Variants in CACNB2 observed in about 807,000 individuals in gnomAD.
The protein encoded by CACNB2 is voltage-dependent L-type calcium channel subunit beta-2.
Under a neutral mutation model 73.3 loss-of-function variants are expected in CACNB2, and 42 were observed. The observed-to-expected ratio is 0.57, with a 90% CI of 0.45 to 0.74. CACNB2 has a LOEUF of 0.74. Ranked by LOEUF, CACNB2 falls within the 30% of genes least tolerant of loss-of-function variation. CACNB2 has a pLI of 0.00. For synonymous variants in CACNB2, 348 were observed against 310.3 expected (o/e 1.12, Z -1.28); for missense variants, 940 against 853.0 (o/e 1.10, Z -1.27).
At chr10:18,446,425 C>T (rs1015556144) in intron 3 of CACNB2, among the ~76,000 whole-genome samples, 15 of 152,204 alleles carry the variant, frequency 9.9e-5, no homozygotes, top group Non-Finnish European at 1.6e-4. Context: ...TGTTGCAATA[C>T]TTGGGCAGTA....
At chr10:18,511,070 G>C (rs752745540) in intron 6 of CACNB2, among the ~76,000 whole-genome samples, 2 of 152,194 alleles carry the variant, frequency 1.3e-5, no homozygotes, top group Non-Finnish European at 2.9e-5. Context: ...TGGTATAAAA[G>C]TCAGCACTGG....
intron 6 of CACNB2, among the ~76,000 whole-genome samples, chr10:18,509,474 T>C (rs1158656863): frequency 6.6e-6 from 1 of 152,174 alleles, no homozygotes; most frequent in Admixed American, 6.5e-5. Flanking sequence ...TCTGCTTAAC[T>C]TGACCCAAAC....
chr10:18,482,742 C>A (rs1231905752), intron 3 of CACNB2, among the ~76,000 whole-genome samples: 2 of 152,092 alleles, frequency 1.3e-5, no homozygotes, highest in East Asian at 3.9e-4. Context: ...GAACTCCTTA[C>A]CTCAGGTGAT....
intron 3 of CACNB2, among the ~76,000 whole-genome samples, chr10:18,497,616 G>A (rs1279066389): frequency 6.6e-6 from 1 of 152,024 alleles, no homozygotes; most frequent in Non-Finnish European, 1.5e-5. Flanking sequence ...AGTGAGAAGA[G>A]GTCTTGCTAT....
chr10:18,405,003 G>C (rs546487590), intron 3 of CACNB2, among the ~76,000 whole-genome samples: 1 of 152,248 alleles, frequency 6.6e-6, no homozygotes, highest in African/African-American at 2.4e-5. Flanking sequence ...TACAGTTATG[G>C]CATACTTTGC....
At chr10:18,158,843 G>A (rs2131078334) in intron 2 of CACNB2, among the ~76,000 whole-genome samples, 1 of 152,304 alleles carries the variant, frequency 6.6e-6, no homozygotes, top group South Asian at 2.1e-4. Context: ...TCAAGAGATT[G>A]TGCAAGAATT....
At chr10:18,355,723 G>A (rs1373872667) in intron 2 of CACNB2, among the ~76,000 whole-genome samples, 2 of 149,946 alleles carry the variant, frequency 1.3e-5, no homozygotes, top group Non-Finnish European at 3.0e-5. Context: ...TGCAACATTT[G>A]CCTCCTGGGT....
Position 18,405,763 on chromosome 10 carries a change from G to C in CACNB2, c.333+3720G>C, listed in dbSNP as rs1564513457. Among the ~76,000 whole-genome samples, 5 of 152,116 alleles carry C rather than the reference G, an allele frequency of 3.3e-5. No individual in the cohort carries two copies. The South Asian group carries it at 1.0e-3, about 31-fold the overall frequency. On this transcript the variant is annotated intron_variant, in intron 3 of 13. Coordinates refer to ENST00000324631, the MANE Select transcript of CACNB2 (RefSeq NM_201596.3). ...ACCTGAGGTCAGGAGTTTGAGACCA[G>C]CTTGGGCAACATGGTGAAACGCTGT...
At chr10:18,398,667 T>A (rs1230325895) in intron 2 of CACNB2, among the ~76,000 whole-genome samples, 1 of 132,296 alleles carries the variant, frequency 7.6e-6, no homozygotes, top group Non-Finnish European at 1.6e-5. Flanking sequence ...AGTGAGACTG[T>A]CACACACACA....
In CACNB2 at chr10:18,314,115, C is replaced by T. The variant is rs529237481; in HGVS notation, c.214-87809C>T. ...TTGAGTGAATCAATGATTGGACACA[C>T]GTATACATGGATTTTATCACTTGGA... On this transcript the variant is annotated intron_variant, in intron 2 of 13. Transcript: ENST00000324631. Among the ~76,000 whole-genome samples the T allele has an allele frequency of 7.6e-3, 796 of 104,606 alleles. 3 individuals carry two copies. The highest frequency in any genetic ancestry group is 0.034 in the Middle Eastern group (8 of 234). 68.6% of individuals were successfully genotyped at this position (104,606 alleles called of 152,430 possible). A position where few individuals can be genotyped will look rare whatever the true frequency, so the allele number is the denominator to read the frequency against.
At chr10:18,388,272 A>C (rs928366727) in intron 2 of CACNB2, among the ~76,000 whole-genome samples, 1 of 152,240 alleles carries the variant, frequency 6.6e-6, no homozygotes, top group Non-Finnish European at 1.5e-5. Flanking sequence ...CCAGTATTTT[A>C]TTAAACGTTC....
chr10:18,498,224 A>G (rs1390854795), intron 3 of CACNB2, 131 bp from the exon 4 acceptor site: 4 of 1,091,046 alleles, frequency 3.7e-6, no homozygotes, highest in Non-Finnish European at 5.4e-6. Flanking sequence ...GTTTTGTGAT[A>G]AAGAACCAGT....
At chr10:18,182,187 G>C (rs1408421314) in intron 2 of CACNB2, 1 of 152,078 alleles carries the variant, frequency 6.6e-6, no homozygotes. Context: ...TAAGGGCCGG[G>C]TACAGTCGCT....
At chr10:18,491,819 TAAAAAAAAAAAAAA>T (rs68179779) in intron 3 of CACNB2, among the ~76,000 whole-genome samples, 13,839 of 66,020 alleles carry the variant, frequency 0.21, 1,012 homozygotes, top group Admixed American at 0.34. Flanking sequence ...TCAAGTTGGT[TAAAAAAAAAAAAAA>T]AAAAAAAAAA....
chr10:18,311,532 A>G (rs1366959381), intron 2 of CACNB2, among the ~76,000 whole-genome samples: 1 of 152,236 alleles, frequency 6.6e-6, no homozygotes, highest in East Asian at 1.9e-4. Flanking sequence ...GTCAGTTAAC[A>G]CATGTGTTGT....
chr10:18,333,694 A>G (rs990614214), intron 2 of CACNB2, among the ~76,000 whole-genome samples: 9 of 152,216 alleles, frequency 5.9e-5, no homozygotes, highest in African/African-American at 1.7e-4. Flanking sequence ...ATAATTATCC[A>G]TATTTGTACA....
At chr10:18,476,377 A>G (rs1277521471) in intron 3 of CACNB2, among the ~76,000 whole-genome samples, 2 of 152,242 alleles carry the variant, frequency 1.3e-5, no homozygotes, top group South Asian at 2.1e-4. Flanking sequence ...AAAACAAAGT[A>G]TACTCTACAT....
intron 9 of CACNB2, among the ~76,000 whole-genome samples, chr10:18,520,869 C>A (rs542720658): frequency 2.4e-4 from 37 of 152,188 alleles, no homozygotes; most frequent in Non-Finnish European, 4.7e-4. Context: ...TACACATGCA[C>A]ACATTTGTTC....
chr10:18,201,452 T>G (rs2034878980), intron 2 of CACNB2, among the ~76,000 whole-genome samples: 2 of 152,110 alleles, frequency 1.3e-5, no homozygotes, highest in African/African-American at 2.4e-5. Flanking sequence ...TTTTTGTATT[T>G]TTAGTAGAGA....
Sources: allele counts gnomAD v4.1 joint callset (sites outside exome capture counted in the v4.1 genomes callset), GRCh38; gene constraint gnomAD v4.1.1; transcripts MANE v1.5; gene names NCBI Gene and HGNC (gene_info 2026-07-23, HGNC 2026-07-21).